Variants in CADM1 observed in about 807,000 individuals in gnomAD.
CADM1 encodes TSLC-1.
A neutral mutation model predicts 53.1 loss-of-function variants in CADM1; 15 were observed. The observed-to-expected ratio is 0.28, with a 90% CI of 0.19 to 0.44. The LOEUF (loss-of-function observed/expected upper bound fraction) is 0.44. Ranked by LOEUF, CADM1 falls within the 20% of genes least tolerant of loss-of-function variation. CADM1 has a pLI of 1.00. For synonymous variants in CADM1, 281 were observed against 243.0 expected (o/e 1.16, Z -1.45); for missense variants, 434 against 611.3 (o/e 0.71, Z 3.06).
intron 1 of CADM1, chr11:115,240,689 G>A (rs1274490232): frequency 1.3e-5 from 6 of 475,020 alleles, no homozygotes; most frequent in African/African-American, 1.2e-4. Flanking sequence ...TGTACTAGTT[G>A]AGTAGTATAT....
At chr11:115,392,899 G>C (rs919884444) in intron 1 of CADM1, among the ~76,000 whole-genome samples, 2 of 151,610 alleles carry the variant, frequency 1.3e-5, no homozygotes, top group African/African-American at 4.8e-5. Flanking sequence ...AACAAGCCAG[G>C]CACAGTAGTT....
Position 115,174,535 on chromosome 11 carries a change from C to T in CADM1, c.*1939G>A. On this transcript the variant is annotated 3_prime_UTR_variant, in exon 12 of 12. Coordinates refer to ENST00000331581, the MANE Select transcript of CADM1 (RefSeq NM_001301043.2). ...TCGATAATGGATTTTCTTTTACATACCAGTCCGTTCCCAAAAGGCCCCCAT... is the reference window on the plus strand; with the variant it reads ...TCGATAATGGATTTTCTTTTACATATCAGTCCGTTCCCAAAAGGCCCCCAT... 1 of 985,504 alleles carries T rather than the reference C, an allele frequency of 1.0e-6. No homozygotes were observed. The highest frequency in any genetic ancestry group is 1.2e-6 in the Non-Finnish European group (1 of 829,838). The allele number at this position is 985,504 out of a possible 1,614,324, so 61.0% of individuals were successfully genotyped here. A position where few individuals can be genotyped will look rare whatever the true frequency, so the allele number is the denominator to read the frequency against.
chr11:115,463,171 G>A (rs1015670493), intron 1 of CADM1, among the ~76,000 whole-genome samples: 3 of 152,066 alleles, frequency 2.0e-5, no homozygotes, highest in African/African-American at 7.2e-5. Context: ...ACCTCCTGAA[G>A]GCTATTGATT....
intron 1 of CADM1, among the ~76,000 whole-genome samples, chr11:115,352,769 G>A (rs1945769434): frequency 6.6e-6 from 1 of 152,126 alleles, no homozygotes; most frequent in African/African-American, 2.4e-5. Flanking sequence ...ATATGAAATA[G>A]ATATTATTAT....
chr11:115,306,295 G>A (rs373065116), intron 1 of CADM1, among the ~76,000 whole-genome samples: 7 of 151,942 alleles, frequency 4.6e-5, no homozygotes, highest in African/African-American at 4.8e-5. Context: ...GGTTTGTAGC[G>A]TAGGAGCAAT....
chr11:115,470,938 T>A (rs1313358089), intron 1 of CADM1, among the ~76,000 whole-genome samples: 1 of 152,180 alleles, frequency 6.6e-6, no homozygotes. Flanking sequence ...CTGGTCCCCC[T>A]CTCTGCAGTA....
At chr11:115,339,515 A>T (rs1189667833) in intron 1 of CADM1, among the ~76,000 whole-genome samples, 1 of 152,166 alleles carries the variant, frequency 6.6e-6, no homozygotes, top group Admixed American at 6.5e-5. Context: ...TAATTAAAAA[A>T]ATCAAACAAA....
chr11:115,235,120 T>C (rs543967671), intron 3 of CADM1, among the ~76,000 whole-genome samples: 6 of 151,878 alleles, frequency 4.0e-5, no homozygotes, highest in Admixed American at 2.6e-4. Flanking sequence ...AAATCTGATA[T>C]TGTGAATCAT....
chr11:115,324,236 A>C (rs550098065), intron 1 of CADM1, among the ~76,000 whole-genome samples: 2 of 152,262 alleles, frequency 1.3e-5, no homozygotes, highest in African/African-American at 4.8e-5. Context: ...AAAAGTAATC[A>C]CATGTCTTCC....
At chr11:115,221,702 G>A (rs1012763258) in intron 5 of CADM1, among the ~76,000 whole-genome samples, 1 of 152,066 alleles carries the variant, frequency 6.6e-6, no homozygotes, top group African/African-American at 2.4e-5. Context: ...TCCTCTGTAG[G>A]TCCAAACACT....
At chr11:115,293,411 C>T (rs879493836) in intron 1 of CADM1, among the ~76,000 whole-genome samples, 20 of 151,936 alleles carry the variant, frequency 1.3e-4, no homozygotes, top group Admixed American at 1.3e-3. Flanking sequence ...CCAGCCTGGG[C>T]GACAGAGCGA....
At chr11:115,499,261 A>G (rs1336008018) in intron 1 of CADM1, among the ~76,000 whole-genome samples, 3 of 152,212 alleles carry the variant, frequency 2.0e-5, no homozygotes, top group Non-Finnish European at 4.4e-5. Context: ...CCTTGAAAAG[A>G]CAAATAAAAA....
At chr11:115,238,696 G>C (rs372949200) in intron 2 of CADM1, 44 bp from the exon 3 acceptor site, 1 of 1,589,734 alleles carries the variant, frequency 6.3e-7, no homozygotes, top group East Asian at 2.2e-5. Context: ...GAAGGTGGAC[G>C]GACAGTCTAT....
intron 1 of CADM1, among the ~76,000 whole-genome samples, chr11:115,359,267 G>C (rs1210814123): frequency 6.6e-6 from 1 of 152,086 alleles, no homozygotes; most frequent in African/African-American, 2.4e-5. Context: ...TAGAGGGAAA[G>C]GACAACTATT....
intron 9 of CADM1, among the ~76,000 whole-genome samples, chr11:115,195,975 C>T (rs1397571529): frequency 3.3e-5 from 5 of 152,156 alleles, no homozygotes; most frequent in Admixed American, 3.3e-4. Flanking sequence ...ATCCCTCTGC[C>T]ATTAAGAAGT....
chr11:115,367,438 T>C (rs1946193596), intron 1 of CADM1, among the ~76,000 whole-genome samples: 1 of 152,192 alleles, frequency 6.6e-6, no homozygotes, highest in South Asian at 2.1e-4. Flanking sequence ...ATACATCAAA[T>C]CAAGTGTTCT....
chr11:115,340,647 TA>T (rs1306868447), intron 1 of CADM1, among the ~76,000 whole-genome samples: 933 of 41,204 alleles, frequency 0.023, 23 homozygotes, highest in Non-Finnish European at 0.028. Flanking sequence ...TATATATATA[TA>T]TATATATATA....
At chr11:115,488,864 G>T (rs1023575225) in intron 1 of CADM1, among the ~76,000 whole-genome samples, 1 of 152,126 alleles carries the variant, frequency 6.6e-6, no homozygotes, top group Non-Finnish European at 1.5e-5. Flanking sequence ...GGTTTGATCC[G>T]ATTACTGTGA....
intron 1 of CADM1, among the ~76,000 whole-genome samples, chr11:115,457,822 C>T (rs1043741383): frequency 2.6e-5 from 4 of 151,916 alleles, no homozygotes; most frequent in African/African-American, 9.7e-5. Context: ...AACCGTAACA[C>T]TAATAAAAAC....
Sources: gnomAD v4.1 joint callset for allele counts (sites outside exome capture counted in the v4.1 genomes callset) on GRCh38, gnomAD v4.1.1 for gene constraint, MANE v1.5 for transcripts, NCBI Gene and HGNC (gene_info 2026-07-23, HGNC 2026-07-21) for gene names.